The following EML6 variants were observed in gnomAD, a reference collection of about 807,000 sequenced individuals.
EML6 encodes the protein echinoderm microtubule-associated protein-like 6.
In EML6, 154 loss-of-function variants were observed where a neutral mutation model predicts 240.1. The observed-to-expected ratio is 0.64, with a 90% confidence interval of 0.56 to 0.73. EML6 has a LOEUF of 0.73. EML6 is among the 30% of genes least tolerant of loss of function. The pLI is 0.00. For synonymous variants in EML6, 1,148 were observed against 899.0 expected (o/e 1.28, Z -4.95); for missense variants, 2,964 against 2,474.6 (o/e 1.20, Z -4.20).
intron 2 of EML6, among the ~76,000 whole-genome samples, chr2:54,761,342 G>T (rs1667973344): frequency 6.6e-6 from 1 of 152,004 alleles, no homozygotes; most frequent in South Asian, 2.1e-4. Context: ...AAGCATAAAT[G>T]AAGGTGCTTA....
chr2:54,836,420 G>C (rs145899559), intron 7 of EML6, among the ~76,000 whole-genome samples: 104 of 152,328 alleles, frequency 6.8e-4, no homozygotes, highest in Non-Finnish European at 1.3e-3. Context: ...GAAATGAGCA[G>C]AGATTTTGTA....
In EML6 at chr2:54,954,165, G is replaced by A. The variant is rs899113731; in HGVS notation, c.4486+9G>A. On this transcript the variant is annotated intron_variant, in intron 32 of 41. Coordinates refer to ENST00000356458, the MANE Select transcript of EML6 (RefSeq NM_001039753.4). The stretch of plus-strand genomic sequence containing the variant: ...CTGGCGATGGCAGGAAGGTAAACCA[G>A]CACTGGGCTTTCTGTCCCTCCAGGG... 9 of 1,549,154 alleles carry A rather than the reference G, an allele frequency of 5.8e-6. No individual in the cohort carries two copies. The African/African-American group carries it at 1.2e-4, about 21-fold the overall frequency.
chr2:54,872,816 G>C (rs971217885), intron 16 of EML6, among the ~76,000 whole-genome samples: 1 of 152,198 alleles, frequency 6.6e-6, no homozygotes, highest in Non-Finnish European at 1.5e-5. Flanking sequence ...CAAGCTGGAA[G>C]TTTTCTCTTC....
chr2:54,850,084 T>C lies in EML6; in HGVS notation c.1310T>C (p.Val437Ala), dbSNP rs1669990705. The C allele has an allele frequency of 2.6e-6, 4 of 1,552,018 alleles. No homozygotes were observed. Among genetic ancestry groups the C allele is most frequent in the Non-Finnish European group, 1.7e-6 (2 of 1,147,074 alleles). The change falls in exon 10 of 42, where the codon GTT becomes GCT. Residue 437 changes from valine (V) to alanine (A), a missense_variant. By Grantham distance (64) the Val-to-Ala change is moderately conservative. Transcript: ENST00000356458. ...SNDGPVDVYA[V>A]AQRYKKIGEC... ...GATGGCCCAGTAGATGTCTATGCTG[T>C]TGCCCAGAGGTATAAGAAAATTGGA...
intron 26 of EML6, among the ~76,000 whole-genome samples, chr2:54,921,970 C>A (rs1054895654): frequency 5.9e-5 from 9 of 152,074 alleles, no homozygotes; most frequent in Non-Finnish European, 1.3e-4. Context: ...AATCATACAA[C>A]TCCTAGAAGA....
At chr2:54,800,369 C>T (rs999826443) in intron 2 of EML6, among the ~76,000 whole-genome samples, 8 of 152,136 alleles carry the variant, frequency 5.3e-5, no homozygotes, top group Non-Finnish European at 1.0e-4. Context: ...CCTCAAATGA[C>T]GCTTGAATTC....
intron 35 of EML6, among the ~76,000 whole-genome samples, chr2:54,961,189 T>TTTTTTTTTTTTTTTTTTTTTTTTTTG (rs1558729617): frequency 9.3e-6 from 1 of 108,030 alleles, no homozygotes; most frequent in African/African-American, 3.8e-5. Context: ...AAGTAGTTTT[T>TTTTTTTTTTTTTTTTTTTTTTTTTTG]TTTTTTTTTT....
chr2:54,763,269 C>T (rs1363309416), intron 2 of EML6, among the ~76,000 whole-genome samples: 1 of 152,140 alleles, frequency 6.6e-6, no homozygotes, highest in Non-Finnish European at 1.5e-5. Flanking sequence ...GTTCTATGTT[C>T]AGAAGTTACT....
intron 5 of EML6, among the ~76,000 whole-genome samples, chr2:54,823,688 C>T (rs978361257): frequency 6.6e-6 from 1 of 151,930 alleles, no homozygotes; most frequent in African/African-American, 2.4e-5. Flanking sequence ...AATCTGGGAC[C>T]CTATCCTGGG....
chr2:54,942,295 A>G (rs957788479), intron 28 of EML6, among the ~76,000 whole-genome samples: 2 of 152,232 alleles, frequency 1.3e-5, no homozygotes, highest in African/African-American at 4.8e-5. Flanking sequence ...TCATCAAATC[A>G]AACCTACTCA....
At chr2:54,765,517 G>A (rs6733119) in intron 2 of EML6, among the ~76,000 whole-genome samples, 51,375 of 152,034 alleles carry the variant, frequency 0.34, 10,588 homozygotes, top group African/African-American at 0.57. Context: ...TTGGAGTGCA[G>A]TGGCACGATC....
rs369588298 is a variant in EML6, at chr2:54,824,375, A to G, written c.526-3191A>G. On this transcript the variant is annotated intron_variant, in intron 5 of 41. Transcript: ENST00000356458. ...ATGTCTACCCAGCAATACTTTATTA[A>G]TTTTGCTTAGAAATATAATACATTT... Among the ~76,000 whole-genome samples, 16 of 152,260 alleles carry G rather than the reference A, an allele frequency of 1.1e-4. No individual in the cohort carries two copies. The East Asian group carries it at 1.2e-3, about 11-fold the overall frequency.
chr2:54,969,147 C>T (rs898114014), intron 41 of EML6, among the ~76,000 whole-genome samples: 9 of 152,214 alleles, frequency 5.9e-5, no homozygotes, highest in African/African-American at 1.9e-4. Flanking sequence ...ATCTATATGT[C>T]CTTTTAAGAA....
intron 2 of EML6, among the ~76,000 whole-genome samples, chr2:54,731,669 C>T (rs1334169635): frequency 6.6e-6 from 1 of 152,076 alleles, no homozygotes; most frequent in Non-Finnish European, 1.5e-5. Flanking sequence ...GTGGTTGCCA[C>T]ATAATGGGTC....
chr2:54,922,857 A>G (rs772245350), intron 26 of EML6, among the ~76,000 whole-genome samples: 9 of 151,976 alleles, frequency 5.9e-5, no homozygotes, highest in Non-Finnish European at 1.2e-4. Context: ...AACTCACAGA[A>G]GTAGAGAGTA....
At chr2:54,912,644 G>C (rs894343728) in intron 25 of EML6, among the ~76,000 whole-genome samples, 1 of 152,122 alleles carries the variant, frequency 6.6e-6, no homozygotes, top group Non-Finnish European at 1.5e-5. Flanking sequence ...ATTCCCACTC[G>C]TGAGAACATG....
intron 2 of EML6, among the ~76,000 whole-genome samples, chr2:54,729,163 A>G (rs1683044106): frequency 6.6e-6 from 1 of 152,240 alleles, no homozygotes. Context: ...TGGGGATTAC[A>G]TACAAAAATG....
chr2:54,825,734 C>T (rs545713872), intron 5 of EML6, among the ~76,000 whole-genome samples: 1 of 152,154 alleles, frequency 6.6e-6, no homozygotes, highest in African/African-American at 2.4e-5. Context: ...CCCTGCCACG[C>T]ACACACATAG....
intron 2 of EML6, among the ~76,000 whole-genome samples, chr2:54,742,601 G>A (rs934717032): frequency 1.3e-5 from 2 of 152,136 alleles, no homozygotes; most frequent in Non-Finnish European, 2.9e-5. Context: ...TGGCCCCTCT[G>A]TGTCCCGGAG....
Sources: gnomAD v4.1 joint callset for allele counts (sites outside exome capture counted in the v4.1 genomes callset) on GRCh38, gnomAD v4.1.1 for gene constraint, MANE v1.5 for transcripts, NCBI Gene and HGNC (gene_info 2026-07-23, HGNC 2026-07-21) for gene names.